The following TMC7 variants were observed in gnomAD, a reference collection of about 807,000 sequenced individuals.
TMC7 encodes transmembrane channel-like protein 7.
TMC7 carries 54 observed loss-of-function variants against 82.9 expected under a neutral mutation model. That is an observed-to-expected ratio of 0.65 (90% CI 0.52 to 0.82). TMC7 has a LOEUF of 0.82. Among genes scored for constraint, TMC7 ranks in the 40% least tolerant of loss-of-function variants. TMC7 has a pLI of 0.00. For missense variants in TMC7, 820 were observed against 901.2 expected (o/e 0.91, Z 1.15); for synonymous variants, 350 against 337.9 (o/e 1.04, Z -0.39).
At position 19,014,270 on chromosome 16, in the gene TMC7, T is replaced by G. The variant is rs74014427; in HGVS notation, c.312-2180T>G. Among the ~76,000 whole-genome samples, 1,509 of 152,188 alleles carry G rather than the reference T, an allele frequency of 9.9e-3. 32 individuals are homozygous for G. The highest frequency in any genetic ancestry group is 0.034 in the African/African-American group (1,416 of 41,524). On this transcript the variant is annotated intron_variant, in intron 2 of 15. Coordinates refer to ENST00000304381, the MANE Select transcript of TMC7 (RefSeq NM_024847.4). ...ACATCCCTGGCCTCTACCCACTAGA[T>G]GCCAGAAGCATGTCCCCCTCCCCCA...
chr16:18,997,715 G>C (rs1446441326), intron 1 of TMC7, among the ~76,000 whole-genome samples: 1 of 139,950 alleles, frequency 7.1e-6, no homozygotes, highest in Admixed American at 7.9e-5. Flanking sequence ...AACAACTCCT[G>C]TGCCAAATCC....
chr16:19,020,655 G>A (rs1020082311), intron 3 of TMC7, among the ~76,000 whole-genome samples: 1 of 151,712 alleles, frequency 6.6e-6, no homozygotes, highest in Non-Finnish European at 1.5e-5. Context: ...ATCACCTGAG[G>A]TCAGGAGTTC....
intron 13 of TMC7, 53 bp from the exon 14 acceptor site, chr16:19,056,489 A>G (rs1308167120): frequency 1.3e-6 from 2 of 1,575,968 alleles, no homozygotes; most frequent in African/African-American, 2.7e-5. Context: ...GGGGCGGGAC[A>G]CTCAACCTGT....
intron 1 of TMC7, among the ~76,000 whole-genome samples, chr16:18,985,662 T>TA (rs1186913232): frequency 6.6e-6 from 1 of 151,904 alleles, no homozygotes; most frequent in Admixed American, 6.6e-5. Flanking sequence ...TTGGGCCCTC[T>TA]AACTAAAAAG....
chr16:19,030,126 G>A (rs1162556538), intron 5 of TMC7, 98 bp from the exon 6 acceptor site: 12 of 1,264,246 alleles, frequency 9.5e-6, no homozygotes, highest in East Asian at 2.4e-5. Flanking sequence ...GAGAGGAAAG[G>A]GGACACTGGA....
At chr16:19,046,243 G>T (rs928739644) in intron 11 of TMC7, among the ~76,000 whole-genome samples, 3 of 152,154 alleles carry the variant, frequency 2.0e-5, no homozygotes, top group African/African-American at 7.2e-5. Context: ...CTCCTTGCTA[G>T]TCATGTGACC....
At chr16:19,020,195 A>G (rs1959899280) in intron 3 of TMC7, among the ~76,000 whole-genome samples, 1 of 152,162 alleles carries the variant, frequency 6.6e-6, no homozygotes, top group Non-Finnish European at 1.5e-5. Flanking sequence ...CTTAATTTTG[A>G]TTTTAAAAAC....
intron 6 of TMC7, among the ~76,000 whole-genome samples, chr16:19,032,728 A>G (rs1596768463): frequency 6.6e-6 from 1 of 152,058 alleles, no homozygotes; most frequent in South Asian, 2.1e-4. Flanking sequence ...TCCGGGTTCA[A>G]GCAATTCTTC....
intron 1 of TMC7, among the ~76,000 whole-genome samples, chr16:18,996,151 G>A (rs1184610959): frequency 6.6e-6 from 1 of 152,114 alleles, no homozygotes; most frequent in East Asian, 1.9e-4. Flanking sequence ...CCTAGGGTTG[G>A]GGAGCAGCGG....
intron 3 of TMC7, among the ~76,000 whole-genome samples, chr16:19,018,479 C>G (rs1454933441): frequency 6.6e-6 from 1 of 151,966 alleles, no homozygotes; most frequent in Admixed American, 6.6e-5. Context: ...GACACTAATC[C>G]CATCATGGGA....
intron 13 of TMC7, among the ~76,000 whole-genome samples, chr16:19,054,442 G>A (rs1302916091): frequency 2.0e-5 from 3 of 152,134 alleles, no homozygotes; most frequent in Admixed American, 2.0e-4. Context: ...TAGGCTGGGC[G>A]CGGTGGCTCA....
chr16:19,015,776 A>C, intron 2 of TMC7, among the ~76,000 whole-genome samples: 1 of 151,798 alleles, frequency 6.6e-6, no homozygotes, highest in East Asian at 2.0e-4. Context: ...GAGTTTCACT[A>C]TGTTGGCCAG....
intron 2 of TMC7, among the ~76,000 whole-genome samples, chr16:19,010,209 C>A (rs1337114166): frequency 7.0e-6 from 1 of 142,146 alleles, no homozygotes; most frequent in East Asian, 2.3e-4. Flanking sequence ...GGCTGGAGTG[C>A]AATGGCATGA....
intron 1 of TMC7, among the ~76,000 whole-genome samples, chr16:19,000,139 T>C (rs2039116837): frequency 1.3e-5 from 2 of 151,974 alleles, no homozygotes; most frequent in African/African-American, 2.4e-5. Flanking sequence ...ACACAGATTA[T>C]CTGGACACCC....
At chr16:19,018,652 A>G (rs1349839213) in intron 3 of TMC7, among the ~76,000 whole-genome samples, 1 of 152,086 alleles carries the variant, frequency 6.6e-6, no homozygotes, top group Non-Finnish European at 1.5e-5. Context: ...AAAATACAAA[A>G]TTAGCCAGGC....
At chr16:19,031,107 A>C (rs1960495522) in intron 6 of TMC7, among the ~76,000 whole-genome samples, 1 of 152,152 alleles carries the variant, frequency 6.6e-6, no homozygotes, top group Middle Eastern at 3.2e-3. Flanking sequence ...AAAAGTAAGA[A>C]TCCCTCGTCT....
intron 1 of TMC7, among the ~76,000 whole-genome samples, chr16:18,992,228 T>C (rs936879801): frequency 1.3e-5 from 2 of 152,340 alleles, no homozygotes; most frequent in Admixed American, 1.3e-4. Flanking sequence ...GTAAAAGTGT[T>C]CCTATTTCTC....
At chr16:19,059,520 C>T (rs368045499) in intron 15 of TMC7, 26 bp downstream of exon 15, 1 of 1,614,128 alleles carries the variant, frequency 6.2e-7, no homozygotes, top group Middle Eastern at 1.7e-4. Flanking sequence ...TCCAGAGGGT[C>T]ATGGCTGGGG....
chr16:19,005,324 G>A (rs567280879), intron 1 of TMC7, among the ~76,000 whole-genome samples: 1 of 152,066 alleles, frequency 6.6e-6, no homozygotes, highest in Admixed American at 6.6e-5. Context: ...TCCTGACCTC[G>A]TGATCCACTC....
Sources: gnomAD v4.1 joint callset for allele counts (sites outside exome capture counted in the v4.1 genomes callset) on GRCh38, gnomAD v4.1.1 for gene constraint, MANE v1.5 for transcripts, NCBI Gene and HGNC (gene_info 2026-07-23, HGNC 2026-07-21) for gene names.